Variants in CHN1 observed in about 807,000 individuals in gnomAD.
CHN1 encodes chimerin 1.
CHN1 carries 37 observed loss-of-function variants against 59.5 expected under a neutral mutation model. The observed-to-expected ratio is 0.62, with a 90% CI of 0.48 to 0.82. The LOEUF (loss-of-function observed/expected upper bound fraction) is 0.82, where lower values mean the gene tolerates loss of function less well. Ranked by LOEUF, CHN1 falls within the 40% of genes least tolerant of loss-of-function variation. The probability of loss-of-function intolerance (pLI) is 0.00; values close to 1 mark genes in which losing one functional copy is unlikely to be tolerated. For missense variants in CHN1, 469 were observed against 571.0 expected, an observed-to-expected ratio of 0.82 and a Z score of 1.82; for synonymous variants, 206 against 200.4, an observed-to-expected ratio of 1.03 and a Z score of -0.24.
intron 1 of CHN1, among the ~76,000 whole-genome samples, chr2:174,998,334 A>T (rs1394415790): frequency 2.3e-5 from 3 of 131,970 alleles, no homozygotes; most frequent in African/African-American, 3.5e-5. Context: ...ATACGAGATT[A>T]AAAAAAAAAA....
chr2:174,934,951 T>C (rs75913541), intron 3 of CHN1, among the ~76,000 whole-genome samples: 6,469 of 152,248 alleles, frequency 0.042, 482 homozygotes, highest in African/African-American at 0.15. Context: ...CCTAAACCAG[T>C]CTTTTTGTCT....
At chr2:174,859,944 C>A (rs1189003287) in intron 6 of CHN1, among the ~76,000 whole-genome samples, 1 of 152,094 alleles carries the variant, frequency 6.6e-6, no homozygotes, top group Non-Finnish European at 1.5e-5. Context: ...TGGTGATTAA[C>A]CTCGGCATTA....
chr2:174,892,726 C>T (rs982660873), intron 5 of CHN1, among the ~76,000 whole-genome samples: 2 of 152,088 alleles, frequency 1.3e-5, no homozygotes, highest in African/African-American at 4.8e-5. Flanking sequence ...ACCTAGTGAA[C>T]CAAATTAAAC....
chr2:174,997,634 TG>T (rs1691749259), intron 1 of CHN1, among the ~76,000 whole-genome samples: 1 of 152,164 alleles, frequency 6.6e-6, no homozygotes, highest in South Asian at 2.1e-4. Context: ...ACTCACCTGC[TG>T]CCTGTCAAAC....
chr2:175,002,352 C>T (rs979026592), intron 1 of CHN1, among the ~76,000 whole-genome samples: 1 of 152,066 alleles, frequency 6.6e-6, no homozygotes, highest in African/African-American at 2.4e-5. Context: ...AACTAATATG[C>T]ATTAAAAATA....
intron 5 of CHN1, among the ~76,000 whole-genome samples, chr2:174,904,426 T>C (rs1425822804): frequency 2.0e-5 from 3 of 152,300 alleles, no homozygotes; most frequent in East Asian, 1.9e-4. Flanking sequence ...GTTTCACTCA[T>C]TGCCCAGGCT....
intron 1 of CHN1, among the ~76,000 whole-genome samples, chr2:174,993,516 G>C (rs1691614925): frequency 6.6e-6 from 1 of 151,788 alleles, no homozygotes; most frequent in East Asian, 1.9e-4. Flanking sequence ...CAGACATGTA[G>C]AAAGTGGAAG....
chr2:174,825,529 C>T (rs886691926), intron 7 of CHN1, among the ~76,000 whole-genome samples: 2 of 152,070 alleles, frequency 1.3e-5, no homozygotes, highest in African/African-American at 4.8e-5. Context: ...GTTAAGATAC[C>T]TATCCCTTTT....
chr2:174,928,872 A>C (rs1232836983), intron 3 of CHN1, among the ~76,000 whole-genome samples: 1 of 152,234 alleles, frequency 6.6e-6, no homozygotes, highest in East Asian at 1.9e-4. Context: ...GCTAAGCTTC[A>C]ACAAATCAAT....
At chr2:174,867,616 T>C (rs1687265092) in intron 6 of CHN1, among the ~76,000 whole-genome samples, 1 of 152,136 alleles carries the variant, frequency 6.6e-6, no homozygotes, top group African/African-American at 2.4e-5. Context: ...GATGGTCTTG[T>C]TCATTACATA....
At chr2:174,919,677 T>G (rs1408279644) in intron 3 of CHN1, among the ~76,000 whole-genome samples, 3 of 152,172 alleles carry the variant, frequency 2.0e-5, no homozygotes, top group Non-Finnish European at 4.4e-5. Flanking sequence ...TGTGAATGTA[T>G]TATGGTATAT....
At chr2:174,904,314 G>A (rs1196414923) in intron 5 of CHN1, among the ~76,000 whole-genome samples, 1 of 151,988 alleles carries the variant, frequency 6.6e-6, no homozygotes, top group Non-Finnish European at 1.5e-5. Flanking sequence ...AAAACTAAGA[G>A]TTTACTCCTG....
chr2:174,927,799 T>C (rs1388273800), intron 3 of CHN1, among the ~76,000 whole-genome samples: 1 of 152,210 alleles, frequency 6.6e-6, no homozygotes, highest in Non-Finnish European at 1.5e-5. Flanking sequence ...TGAAAAATGA[T>C]ACACATAGGC....
chr2:174,918,881 C>T (rs996229090), intron 3 of CHN1, among the ~76,000 whole-genome samples: 1 of 152,064 alleles, frequency 6.6e-6, no homozygotes, highest in Admixed American at 6.6e-5. Flanking sequence ...AACATATAGC[C>T]ACAATTGTGA....
At chr2:174,852,700 C>A (rs878926570) in intron 6 of CHN1, among the ~76,000 whole-genome samples, 1 of 152,106 alleles carries the variant, frequency 6.6e-6, no homozygotes, top group African/African-American at 2.4e-5. Context: ...GTTATAGTAA[C>A]CAAGACAGCA....
intron 1 of CHN1, among the ~76,000 whole-genome samples, chr2:174,955,465 A>C (rs954642138): frequency 6.6e-6 from 1 of 151,830 alleles, no homozygotes; most frequent in Non-Finnish European, 1.5e-5. Context: ...GAATGATACA[A>C]TGGACTTTGG....
At chr2:174,958,099 A>T (rs983235046) in intron 1 of CHN1, among the ~76,000 whole-genome samples, 109 of 148,508 alleles carry the variant, frequency 7.3e-4, no homozygotes, top group African/African-American at 2.2e-3. Flanking sequence ...GGAGTTCAAG[A>T]TCAGCCTGGG....
chr2:174,894,450 C>T (rs139837646), intron 5 of CHN1, among the ~76,000 whole-genome samples: 2 of 151,888 alleles, frequency 1.3e-5, no homozygotes, highest in Non-Finnish European at 2.9e-5. Context: ...AAAATGACCA[C>T]TACCAAAAAA....
chr2:175,001,538 T>G (rs1691888518), intron 1 of CHN1, among the ~76,000 whole-genome samples: 1 of 152,126 alleles, frequency 6.6e-6, no homozygotes, highest in African/African-American at 2.4e-5. Context: ...GGTACAAAAT[T>G]ATAGCAAAAT....
Sources: allele counts gnomAD v4.1 joint callset (sites outside exome capture counted in the v4.1 genomes callset), GRCh38; gene constraint gnomAD v4.1.1; transcripts MANE v1.5; gene names NCBI Gene and HGNC (gene_info 2026-07-23, HGNC 2026-07-21).